Variants in INSR observed in about 807,000 individuals in gnomAD.
INSR encodes IR.
A neutral mutation model predicts 142.6 loss-of-function variants in INSR; 67 were observed. The observed-to-expected ratio is 0.47, with a 90% CI of 0.39 to 0.58. INSR has a LOEUF of 0.58. Among genes scored for constraint, INSR ranks in the 20% least tolerant of loss-of-function variants. The probability of loss-of-function intolerance (pLI) is 0.00; values close to 1 mark genes in which losing one functional copy is unlikely to be tolerated. For missense variants in INSR, 1,248 were observed against 1,833.2 expected (o/e 0.68, Z 5.83); for synonymous variants, 756 against 743.1 (o/e 1.02, Z -0.28).
At chr19:7,253,605 T>G (rs958346858) in intron 2 of INSR, among the ~76,000 whole-genome samples, 2 of 152,202 alleles carry the variant, frequency 1.3e-5, no homozygotes, top group Non-Finnish European at 2.9e-5. Context: ...AACCTGTGAT[T>G]GGAGGAAGGT....
At chr19:7,185,840 T>A (rs1435494103) in intron 2 of INSR, among the ~76,000 whole-genome samples, 3 of 6,022 alleles carry the variant, frequency 5.0e-4, no homozygotes, top group Non-Finnish European at 1.2e-3. Context: ...CAAAATTCTG[T>A]CAAAAAAAAA....
intron 2 of INSR, among the ~76,000 whole-genome samples, chr19:7,245,101 A>C (rs943249918): frequency 2.0e-5 from 3 of 151,614 alleles, no homozygotes; most frequent in African/African-American, 7.3e-5. Flanking sequence ...ATGCCCGGCT[A>C]ATTTTTTTGT....
intron 21 of INSR, among the ~76,000 whole-genome samples, chr19:7,117,758 C>T (rs146231668): frequency 1.3e-5 from 2 of 152,154 alleles, no homozygotes; most frequent in Non-Finnish European, 2.9e-5. Context: ...AGGTGTGCAC[C>T]ACCATGCCTA....
At chr19:7,170,236 C>T (rs992654665) in intron 6 of INSR, among the ~76,000 whole-genome samples, 15 of 151,788 alleles carry the variant, frequency 9.9e-5, no homozygotes, top group African/African-American at 3.4e-4. Flanking sequence ...GGTACCTAGA[C>T]TGCACACTCC....
At chr19:7,172,204 A>G in intron 5 of INSR, 86 bp downstream of exon 5, 1 of 1,493,540 alleles carries the variant, frequency 6.7e-7, no homozygotes, top group Non-Finnish European at 9.3e-7. Context: ...CAGCCACCAC[A>G]CCTGGCCAAA....
chr19:7,166,086 C>A lies in INSR; in HGVS notation c.1861+68G>T. The stretch of plus-strand genomic sequence containing the variant: ...TCAAGGAGCATTTTATACAACCTCA[C>A]TGCATCAGCCTATTAAAAGCAAGAG... On this transcript the variant is annotated intron_variant, in intron 8 of 21. Coordinates refer to ENST00000302850, the MANE Select transcript of INSR (RefSeq NM_000208.4). This position sits in a 1 kb window ranked among gnomAD's most constrained non-coding sequence, Gnocchi z 4.1. The A allele has an allele frequency of 6.4e-7, 1 of 1,565,768 alleles. No homozygotes were observed. The highest frequency in any genetic ancestry group is 8.8e-7 in the Non-Finnish European group (1 of 1,137,666).
At position 7,116,700 on chromosome 19, in the gene INSR, C is replaced by CAAAAGAAA. The variant is rs1972335279; in HGVS notation, c.*355_*356insTTTCTTTT. 2.0e-5 allele frequency: 1 copy of CAAAAGAAA among 50,516 alleles called. No homozygotes were observed. The highest frequency in any genetic ancestry group is 3.4e-5 in the Non-Finnish European group (1 of 28,994). 3.1% of individuals were successfully genotyped at this position (50,516 alleles called of 1,614,324 possible). A position where few individuals can be genotyped will look rare whatever the true frequency, so the allele number is the denominator to read the frequency against. ...TTTTATACTGAAGCTCAGACACCAG[C>CAAAAGAAA]AAAAAAAAAAAAAAAAAAAAAGAAT... On this transcript the variant is annotated 3_prime_UTR_variant, in exon 22 of 22. Transcript: ENST00000302850.
At chr19:7,283,237 C>A (rs186158975) in intron 1 of INSR, among the ~76,000 whole-genome samples, 4 of 152,178 alleles carry the variant, frequency 2.6e-5, no homozygotes, top group African/African-American at 9.6e-5. Context: ...ATCCCGAGAG[C>A]CACTGCTGCC....
chr19:7,239,688 C>G (rs558193126), intron 2 of INSR, among the ~76,000 whole-genome samples: 107 of 152,226 alleles, frequency 7.0e-4, no homozygotes, highest in African/African-American at 2.5e-3. Context: ...AAACCGGAAA[C>G]AATCTCAATG....
chr19:7,239,635 T>C (rs149554085), intron 2 of INSR, among the ~76,000 whole-genome samples: 34 of 152,150 alleles, frequency 2.2e-4, no homozygotes, highest in African/African-American at 7.9e-4. Flanking sequence ...TAGGAGGAGA[T>C]GGACACCAAG....
At chr19:7,261,591 C>T (rs1217672777) in intron 2 of INSR, among the ~76,000 whole-genome samples, 3 of 151,778 alleles carry the variant, frequency 2.0e-5, no homozygotes, top group Non-Finnish European at 4.4e-5. Flanking sequence ...GGTGCAATGG[C>T]ACGATCTCAG....
chr19:7,135,456 T>C (rs1372402908), intron 13 of INSR, among the ~76,000 whole-genome samples: 6 of 147,548 alleles, frequency 4.1e-5, no homozygotes, highest in African/African-American at 1.5e-4. Flanking sequence ...ACTGGGATTA[T>C]AGGCGTGTGC....
chr19:7,178,826 G>A (rs866264808), intron 3 of INSR, among the ~76,000 whole-genome samples: 1 of 152,212 alleles, frequency 6.6e-6, no homozygotes, highest in Non-Finnish European at 1.5e-5. Context: ...CTGTTGCCAC[G>A]AGGAGGCAAT....
Position 7,114,961 on chromosome 19 carries a change from C to T in INSR, c.*2095G>A, listed in dbSNP as rs930958677. 1 of 151,462 alleles carries T rather than the reference C, an allele frequency of 6.6e-6. No homozygotes were observed. The highest frequency in any genetic ancestry group is 1.5e-5 in the Non-Finnish European group (1 of 67,892). 9.4% of individuals were successfully genotyped at this position (151,462 alleles called of 1,614,324 possible). ...CCTCATATTTACAAAATAAATTTGG[C>T]AAAAATAATTTCTGTACTCTTGCTT... On this transcript the variant is annotated 3_prime_UTR_variant, in exon 22 of 22. Transcript: ENST00000302850.
chr19:7,175,964 G>A (rs186337357), intron 3 of INSR, among the ~76,000 whole-genome samples: 2 of 152,198 alleles, frequency 1.3e-5, no homozygotes, highest in African/African-American at 4.8e-5. Context: ...AGGTCCTCTT[G>A]CTTTTACCCC....
intron 10 of INSR, among the ~76,000 whole-genome samples, chr19:7,151,778 AAC>A (rs1973369970): frequency 6.6e-6 from 1 of 151,662 alleles, no homozygotes; most frequent in Admixed American, 6.6e-5. Flanking sequence ...AGCATTGGTA[AAC>A]ATCTGAACAG....
chr19:7,210,100 T>G (rs1430492119), intron 2 of INSR, among the ~76,000 whole-genome samples: 1 of 151,656 alleles, frequency 6.6e-6, no homozygotes, highest in Non-Finnish European at 1.5e-5. Context: ...ATCTCAGCAC[T>G]TTAGGAGGCC....
rs1975852345 is a variant in INSR, at chr19:7,228,347, T to C, written c.652+38998A>G. Among the ~76,000 whole-genome samples, 4 of 152,308 alleles carry C rather than the reference T, an allele frequency of 2.6e-5. No individual in the cohort carries two copies. The South Asian group carries it at 8.3e-4, about 32-fold the overall frequency. On this transcript the variant is annotated intron_variant, in intron 2 of 21. Transcript: ENST00000302850. ...TGCTGTCATTATACACAGACAAATG[T>C]CGTTTATGTCTCTTGCATCTATGAG... is the stretch of plus-strand genomic sequence containing the variant.
At chr19:7,261,045 G>A (rs1220995996) in intron 2 of INSR, among the ~76,000 whole-genome samples, 9 of 151,872 alleles carry the variant, frequency 5.9e-5, no homozygotes, top group Non-Finnish European at 1.2e-4. Context: ...CTGCCACCAT[G>A]CCTGGCTAAT....
Sources: gnomAD v4.1 joint callset for allele counts (sites outside exome capture counted in the v4.1 genomes callset) on GRCh38, gnomAD v4.1.1 for gene constraint, Gnocchi (gnomAD v3.1) non-coding constraint, MANE v1.5 for transcripts, NCBI Gene and HGNC (gene_info 2026-07-23, HGNC 2026-07-21) for gene names.